Variants in SHISA9 observed in about 807,000 individuals in gnomAD.
The protein encoded by SHISA9 is protein shisa-9.
Under a neutral mutation model 38.0 loss-of-function variants are expected in SHISA9, and 13 were observed. The ratio of observed to expected loss-of-function variants is 0.34; its 90% confidence interval spans 0.22 to 0.54. The LOEUF (loss-of-function observed/expected upper bound fraction) is 0.54, where lower values mean the gene tolerates loss of function less well. Among genes scored for constraint, SHISA9 ranks in the 20% least tolerant of loss-of-function variants. SHISA9 has a pLI of 0.91. For missense variants in SHISA9, 538 were observed against 575.8 expected, an observed-to-expected ratio of 0.93 and a Z score of 0.67; for synonymous variants, 275 against 242.0, an observed-to-expected ratio of 1.14 and a Z score of -1.27.
the SHISA9 span, among the ~76,000 whole-genome samples, chr16:13,453,642 C>T: frequency 1.3e-5 from 2 of 152,190 alleles, no homozygotes; most frequent in African/African-American, 4.8e-5. Context: ...CGAGCCCACC[C>T]GAATTGGCAG....
At chr16:13,017,959 T>C (rs907303715) in intron 2 of SHISA9, among the ~76,000 whole-genome samples, 1 of 152,258 alleles carries the variant, frequency 6.6e-6, no homozygotes, top group Non-Finnish European at 1.5e-5. Flanking sequence ...TATTCCCTTC[T>C]CAAAGGAAAT....
intron 2 of SHISA9, among the ~76,000 whole-genome samples, chr16:13,114,720 T>C (rs1035406396): frequency 6.6e-6 from 1 of 152,184 alleles, no homozygotes; most frequent in Non-Finnish European, 1.5e-5. Context: ...TTTTTTCTTA[T>C]GCTTAATTCC....
At chr16:13,405,913 A>T in the SHISA9 span, among the ~76,000 whole-genome samples, 56 of 151,074 alleles carry the variant, frequency 3.7e-4, no homozygotes, top group Middle Eastern at 3.4e-3. Flanking sequence ...TTTGCTATTG[A>T]ATATAGGCCT....
chr16:13,370,302 G>T, the SHISA9 span, among the ~76,000 whole-genome samples: 1 of 152,134 alleles, frequency 6.6e-6, no homozygotes, highest in African/African-American at 2.4e-5. Context: ...GAAATGGGAT[G>T]TAGAGTCAAT....
At chr16:13,368,890 G>A in the SHISA9 span, among the ~76,000 whole-genome samples, 1 of 152,122 alleles carries the variant, frequency 6.6e-6, no homozygotes, top group East Asian at 1.9e-4. Flanking sequence ...AAATGAATAT[G>A]CATACATGTG....
At chr16:12,923,298 A>G (rs955042640) in intron 2 of SHISA9, among the ~76,000 whole-genome samples, 14 of 152,198 alleles carry the variant, frequency 9.2e-5, no homozygotes. Context: ...GGGAGGCCAA[A>G]GCAGCAGATC....
chr16:12,926,724 C>T (rs759364482), intron 2 of SHISA9, among the ~76,000 whole-genome samples: 1 of 152,156 alleles, frequency 6.6e-6, no homozygotes, highest in African/African-American at 2.4e-5. Flanking sequence ...ACTAGGATGG[C>T]CTTTCCTGAG....
At chr16:13,517,298 A>G in the SHISA9 span, among the ~76,000 whole-genome samples, 1 of 152,358 alleles carries the variant, frequency 6.6e-6, no homozygotes, top group East Asian at 1.9e-4. Flanking sequence ...TACCCTGAAG[A>G]TACCTTGATT....
chr16:13,052,296 G>A (rs2055419), intron 2 of SHISA9, among the ~76,000 whole-genome samples: 118,326 of 152,176 alleles, frequency 0.78, 46,477 homozygotes, highest in African/African-American at 0.89. Context: ...TTCTGAATAT[G>A]CTTCTAGCAG....
the SHISA9 span, among the ~76,000 whole-genome samples, chr16:13,487,824 A>C: frequency 5.3e-5 from 8 of 152,306 alleles, no homozygotes; most frequent in African/African-American, 1.7e-4. Context: ...TTGAATCTGC[A>C]ACATGTAACC....
intron 2 of SHISA9, among the ~76,000 whole-genome samples, chr16:13,019,175 T>C (rs948222739): frequency 3.3e-5 from 5 of 152,116 alleles, no homozygotes; most frequent in African/African-American, 9.7e-5. Flanking sequence ...AATATTTATA[T>C]TTTTAGTAGA....
chr16:13,079,525 A>G (rs1483738729), intron 2 of SHISA9, among the ~76,000 whole-genome samples: 1 of 152,214 alleles, frequency 6.6e-6, no homozygotes, highest in Non-Finnish European at 1.5e-5. Flanking sequence ...CAATTAGCAA[A>G]TTACACTCAT....
chr16:13,070,607 A>C (rs572721542), intron 2 of SHISA9, among the ~76,000 whole-genome samples: 38 of 152,348 alleles, frequency 2.5e-4, no homozygotes, highest in African/African-American at 9.1e-4. Context: ...ACAAATTTCC[A>C]AAAAGGCAGG....
chr16:13,328,417 CT>C, the SHISA9 span, among the ~76,000 whole-genome samples: 43,061 of 140,440 alleles, frequency 0.31, 6,552 homozygotes, highest in East Asian at 0.48. Flanking sequence ...TCTCTTTTTC[CT>C]TTTTTTTTTT....
the SHISA9 span, among the ~76,000 whole-genome samples, chr16:13,250,854 A>T: frequency 2.6e-5 from 4 of 152,108 alleles, no homozygotes; most frequent in African/African-American, 9.7e-5. Context: ...ATAATGTGGT[A>T]CTTCTCAGAC....
At chr16:12,909,328 T>C (rs1364411485) in intron 1 of SHISA9, 3 of 985,348 alleles carry the variant, frequency 3.0e-6, no homozygotes, top group Non-Finnish European at 3.6e-6. Flanking sequence ...AGCTCACTCA[T>C]GCCCATTGCC....
chr16:13,043,523 A>C (rs1421292291), intron 2 of SHISA9, among the ~76,000 whole-genome samples: 1 of 152,214 alleles, frequency 6.6e-6, no homozygotes, highest in Non-Finnish European at 1.5e-5. Context: ...CATTTAATGC[A>C]AAACACGTTA....
intron 2 of SHISA9, among the ~76,000 whole-genome samples, chr16:13,158,933 G>A (rs2050571377): frequency 1.3e-5 from 2 of 149,966 alleles, no homozygotes; most frequent in African/African-American, 4.9e-5. Context: ...GGTGGCATGC[G>A]CCTGTAGTCC....
chr16:13,146,769 A>C (rs2050450883), intron 2 of SHISA9, among the ~76,000 whole-genome samples: 1 of 150,514 alleles, frequency 6.6e-6, no homozygotes, highest in Non-Finnish European at 1.5e-5. Context: ...CTAATCCTGA[A>C]ATCATGCTCT....
Sources: gnomAD v4.1 joint callset for allele counts (sites outside exome capture counted in the v4.1 genomes callset) on GRCh38, gnomAD v4.1.1 for gene constraint, MANE v1.5 for transcripts, NCBI Gene and HGNC (gene_info 2026-07-23, HGNC 2026-07-21) for gene names.